Variants in OSBPL3 observed in about 807,000 individuals in gnomAD.
The protein encoded by OSBPL3 is oxysterol binding protein like 3.
A neutral mutation model predicts 120.1 loss-of-function variants in OSBPL3; 65 were observed. That is an observed-to-expected ratio of 0.54 (90% CI 0.44 to 0.67). The LOEUF is 0.67. OSBPL3 is among the 30% of genes least tolerant of loss of function. The probability of loss-of-function intolerance (pLI) is 0.00; values close to 1 mark genes in which losing one functional copy is unlikely to be tolerated. For synonymous variants in OSBPL3, 416 were observed against 402.6 expected, an observed-to-expected ratio of 1.03 and a Z score of -0.40; for missense variants, 1,004 against 1,082.1, an observed-to-expected ratio of 0.93 and a Z score of 1.01.
At chr7:24,832,646 G>C (rs539149451) in intron 15 of OSBPL3, among the ~76,000 whole-genome samples, 10 of 152,176 alleles carry the variant, frequency 6.6e-5, no homozygotes, top group African/African-American at 2.4e-4. Flanking sequence ...CTGTGAAACA[G>C]TACAGCCACA....
chr7:24,920,168 A>G (rs954812647), intron 1 of OSBPL3, among the ~76,000 whole-genome samples: 2 of 152,204 alleles, frequency 1.3e-5, no homozygotes, highest in Non-Finnish European at 1.5e-5. Flanking sequence ...ATGAAAATGT[A>G]TGTCTACATG....
chr7:24,841,966 T>C (rs1010059331), intron 13 of OSBPL3, among the ~76,000 whole-genome samples: 1 of 151,508 alleles, frequency 6.6e-6, no homozygotes, highest in African/African-American at 2.4e-5. Flanking sequence ...TGAGCTGAGA[T>C]TGCACCACTG....
Position 24,820,057 on chromosome 7 carries a change from C to A in OSBPL3, c.1948+118G>T. The A allele has an allele frequency of 2.9e-6, 2 of 680,076 alleles. No homozygotes were observed. The highest frequency in any genetic ancestry group is 2.4e-5 in the Admixed American group (1 of 41,486). The allele number at this position is 680,076 out of a possible 1,614,324, so 42.1% of individuals were successfully genotyped here. ...AACAGGTGGCGCAGATCCTTCCAAC[C>A]AGGCCCAAATCCAAGGACCACTTTT... On this transcript the variant is annotated intron_variant, in intron 17 of 22. Transcript: ENST00000313367. This position sits in a 1 kb window ranked among gnomAD's most constrained non-coding sequence, Gnocchi z 4.6.
Position 24,808,395 on chromosome 7 carries a change from G to C in OSBPL3, c.2317+1412C>G, listed in dbSNP as rs1793335586. 6.6e-6 allele frequency among the ~76,000 whole-genome samples: 1 copy of C among 152,162 alleles called. No homozygotes were observed. The highest frequency in any genetic ancestry group is 1.5e-5 in the Non-Finnish European group (1 of 68,026). On this transcript the variant is annotated intron_variant, in intron 20 of 22. Coordinates refer to ENST00000313367, the MANE Select transcript of OSBPL3 (RefSeq NM_015550.4). The surrounding 1 kb of genome is among the most constrained non-coding windows in gnomAD (Gnocchi z 4.6). ...TGCCATTAGAGAGACATAAAGTCAA[G>C]GAATAATGACAGTAACAAAAATTTA...
rs574334727 is a variant in OSBPL3, at chr7:24,822,225, C to T, written c.1885-1987G>A. Among the ~76,000 whole-genome samples the T allele has an allele frequency of 3.2e-4, 49 of 152,142 alleles. No homozygotes were observed. The highest frequency in any genetic ancestry group is 5.6e-4 in the Non-Finnish European group (38 of 68,032). On this transcript the variant is annotated intron_variant, in intron 16 of 22. Coordinates refer to ENST00000313367, the MANE Select transcript of OSBPL3 (RefSeq NM_015550.4). This position sits in a 1 kb window ranked among gnomAD's most constrained non-coding sequence, Gnocchi z 5.8. ...TGGAGATACCTTATATTAAAAAATG[C>T]TACATTCTTCTCCTTTTCTTCACTA...
rs118055511 is a variant in OSBPL3 at position 24,873,391 on chromosome 7, C to T, written c.97-1322G>A. 0.012 allele frequency among the ~76,000 whole-genome samples: 1,758 copies of T among 152,270 alleles called. 22 individuals are homozygous for T. Among genetic ancestry groups the T allele is most frequent in the Non-Finnish European group, 0.014 (942 of 68,010 alleles). On this transcript the variant is annotated intron_variant, in intron 2 of 22. Transcript: ENST00000313367. This position sits in a 1 kb window ranked among gnomAD's most constrained non-coding sequence, Gnocchi z 4.1. ...ACCTGGTAATGAGAACCCTTTCCTA[C>T]GTTAGCAACTGAATTCTTTACATAA...
At position 24,867,885 on chromosome 7, in the gene OSBPL3, G is replaced by A. The variant is rs539888282; in HGVS notation, c.382-1648C>T. ...AACCTTTAGCCATCTCTCCATAAATGAACAATTATCGATTTCTAATTTCCA... is the reference window on the plus strand; with the variant it reads ...AACCTTTAGCCATCTCTCCATAAATAAACAATTATCGATTTCTAATTTCCA... On this transcript the variant is annotated intron_variant, in intron 5 of 22. Coordinates refer to ENST00000313367, the MANE Select transcript of OSBPL3 (RefSeq NM_015550.4). This position sits in a 1 kb window ranked among gnomAD's most constrained non-coding sequence, Gnocchi z 4.5. 6.6e-6 allele frequency among the ~76,000 whole-genome samples: 1 copy of A among 152,094 alleles called. No homozygotes were observed. Among genetic ancestry groups the A allele is most frequent in the Non-Finnish European group, 1.5e-5 (1 of 67,988 alleles).
At chr7:24,963,581 A>G (rs1205497705) in intron 1 of OSBPL3, among the ~76,000 whole-genome samples, 1 of 152,148 alleles carries the variant, frequency 6.6e-6, no homozygotes, top group Non-Finnish European at 1.5e-5. Flanking sequence ...ACCCTGGGTG[A>G]GATGGGAGTA....
At position 24,824,263 on chromosome 7, in the gene OSBPL3, A is replaced by G. The variant is rs1471387219; in HGVS notation, c.1885-4025T>C. Reference sequence around the variant, plus strand: ...TGGCAGTTAAGAATTCTGGTAATTTATAATTTATTTATATATCTGAGGCCT... The same window carrying G: ...TGGCAGTTAAGAATTCTGGTAATTTGTAATTTATTTATATATCTGAGGCCT... On this transcript the variant is annotated intron_variant, in intron 16 of 22. Coordinates refer to ENST00000313367, the MANE Select transcript of OSBPL3 (RefSeq NM_015550.4). This position sits in a 1 kb window ranked among gnomAD's most constrained non-coding sequence, Gnocchi z 4.9. 2.0e-5 allele frequency among the ~76,000 whole-genome samples: 3 copies of G among 152,176 alleles called. No individual in the cohort carries two copies. Among genetic ancestry groups the G allele is most frequent in the African/African-American group, 7.2e-5 (3 of 41,434 alleles).
Position 24,804,266 on chromosome 7 carries a change from G to A in OSBPL3, c.2567+49C>T, listed in dbSNP as rs752534294. The A allele has an allele frequency of 1.9e-5, 31 of 1,610,718 alleles. No individual in the cohort carries two copies. The highest frequency in any genetic ancestry group is 2.5e-5 in the Non-Finnish European group (29 of 1,177,326). On this transcript the variant is annotated intron_variant, in intron 22 of 22. Transcript: ENST00000313367. This position sits in a 1 kb window ranked among gnomAD's most constrained non-coding sequence, Gnocchi z 5.4. ...ACTTTCTGCAAACCAGAAGCATAACGTGCTGGCACCACCTATCAACCAAAA... is the reference window on the plus strand; with the variant it reads ...ACTTTCTGCAAACCAGAAGCATAACATGCTGGCACCACCTATCAACCAAAA...
intron 5 of OSBPL3, among the ~76,000 whole-genome samples, chr7:24,870,211 T>C (rs895405710): frequency 6.6e-6 from 1 of 152,178 alleles, no homozygotes; most frequent in Non-Finnish European, 1.5e-5. Flanking sequence ...CTACCACCTG[T>C]AGGAGAGACA....
Position 24,843,298 on chromosome 7 carries a change from T to C in OSBPL3, c.1267-885A>G, listed in dbSNP as rs78299214. Among the ~76,000 whole-genome samples the C allele has an allele frequency of 7.9e-3, 1,209 of 152,270 alleles. 7 individuals carry two copies. Among genetic ancestry groups the C allele is most frequent in the Middle Eastern group, 0.044 (13 of 294 alleles). On this transcript the variant is annotated intron_variant, in intron 12 of 22. Coordinates refer to ENST00000313367, the MANE Select transcript of OSBPL3 (RefSeq NM_015550.4). ...TGATTCTGATTAGGGAGATTTTGTT[T>C]GAGGAGGGCTTCATAGAAGTGGCAC...
rs919826165 is a variant in OSBPL3 at position 24,898,981 on chromosome 7, G to T, written c.-149-6360C>A. ...AATTTCATGCGCTGCTCCTAGATTT[G>T]CCCTTGGTAACTACATAGAACAAGA... On this transcript the variant is annotated intron_variant, in intron 1 of 22. Coordinates refer to ENST00000313367, the MANE Select transcript of OSBPL3 (RefSeq NM_015550.4). The surrounding 1 kb of genome is among the most constrained non-coding windows in gnomAD (Gnocchi z 4.3). Among the ~76,000 whole-genome samples, 4 of 152,214 alleles carry T rather than the reference G, an allele frequency of 2.6e-5. No individual in the cohort carries two copies. Among genetic ancestry groups the T allele is most frequent in the Admixed American group, 2.6e-4 (4 of 15,288 alleles).
In OSBPL3 at chr7:24,826,573, G is replaced by C. The variant is rs1046681238; in HGVS notation, c.1884+4195C>G. Among the ~76,000 whole-genome samples, 3 of 152,186 alleles carry C rather than the reference G, an allele frequency of 2.0e-5. No individual in the cohort carries two copies. In the East Asian group the frequency reaches 5.8e-4, roughly 29 times the overall value. On this transcript the variant is annotated intron_variant, in intron 16 of 22. Coordinates refer to ENST00000313367, the MANE Select transcript of OSBPL3 (RefSeq NM_015550.4). ...AAAGGAGGCAGGGATGGAAACAGAGGGGCTGGGTTCTAGCATTTGCTGAGG... is the reference window on the plus strand; with the variant it reads ...AAAGGAGGCAGGGATGGAAACAGAGCGGCTGGGTTCTAGCATTTGCTGAGG...
At chr7:24,934,629 T>G (rs1486566727) in intron 1 of OSBPL3, among the ~76,000 whole-genome samples, 1 of 152,192 alleles carries the variant, frequency 6.6e-6, no homozygotes, top group African/African-American at 2.4e-5. Context: ...AAACTCAGCA[T>G]AACTACTTAG....
intron 1 of OSBPL3, among the ~76,000 whole-genome samples, chr7:24,903,773 C>T (rs1807419098): frequency 1.3e-5 from 2 of 152,184 alleles, no homozygotes. Flanking sequence ...ACTATTGGCA[C>T]ATGTCCCCTG....
At position 24,965,847 on chromosome 7, in the gene OSBPL3, GACTCA is replaced by G. The variant is rs1283061180; in HGVS notation, c.-150+14034_-150+14038del. ...ATTACAGGCATTAGCCACTGCGACG[GACTCA>G]ACTCAAGTGTTTTACCAGTCCCTCC... On this transcript the variant is annotated intron_variant, in intron 1 of 22. Transcript: ENST00000313367. The surrounding 1 kb of genome is among the most constrained non-coding windows in gnomAD (Gnocchi z 4.3). Among the ~76,000 whole-genome samples, 5 of 152,128 alleles carry G rather than the reference GACTCA, an allele frequency of 3.3e-5. No homozygotes were observed. Among genetic ancestry groups the G allele is most frequent in the East Asian group, 1.9e-4 (1 of 5,198 alleles).
Position 24,830,793 on chromosome 7 carries a change from T to C in OSBPL3, c.1859A>G (p.Lys620Arg). The C allele has an allele frequency of 2.5e-6, 4 of 1,613,114 alleles. No individual in the cohort carries two copies. The highest frequency in any genetic ancestry group is 1.1e-5 in the South Asian group (1 of 90,694). The change falls in exon 16 of 23, where the codon AAG becomes AGG. Residue 620 changes from lysine (K) to arginine (R), a missense_variant. By Grantham distance (26) the Lys-to-Arg change is conservative. This residue lies in a region of OSBPL3 where 473 missense variants were observed against 568.0 expected (regional missense o/e 0.83). Coordinates refer to ENST00000313367, the MANE Select transcript of OSBPL3 (RefSeq NM_015550.4). This position sits in a 1 kb window ranked among gnomAD's most constrained non-coding sequence, Gnocchi z 4.4. Reference sequence around the variant, plus strand: ...CTGTTCTGAAAAAAACTGGAAGCCCTTGTCCTCCCGAATACATTCATATGT... The same window carrying C: ...CTGTTCTGAAAAAAACTGGAAGCCCCTGTCCTCCCGAATACATTCATATGT... ...GETYECIRED[K>R]GFQFFSEQVS...
chr7:24,828,619 A>AAAAAAAAAAAAAAAAAAC (rs1796000207), intron 16 of OSBPL3, among the ~76,000 whole-genome samples: 1 of 123,756 alleles, frequency 8.1e-6, no homozygotes, highest in Admixed American at 7.9e-5. Flanking sequence ...AAAAAAAAAA[A>AAAAAAAAAAAAAAAAAAC]AAGAAAAAAA....
Sources: allele counts gnomAD v4.1 joint callset (sites outside exome capture counted in the v4.1 genomes callset), GRCh38; gene constraint gnomAD v4.1.1; regional missense constraint gnomAD v4.1.1; non-coding constraint Gnocchi (gnomAD v3.1); transcripts MANE v1.5; gene names NCBI Gene and HGNC (gene_info 2026-07-23, HGNC 2026-07-21).